CSMD1: variants seen among roughly 807,000 people sequenced by gnomAD.
CSMD1 encodes CUB and sushi domain-containing protein 1.
In CSMD1, 213 loss-of-function variants were observed where a neutral mutation model predicts 417.5. The ratio of observed to expected loss-of-function variants is 0.51; its 90% CI spans 0.46 to 0.57. CSMD1 has a LOEUF of 0.57. CSMD1 is among the 20% of genes least tolerant of loss of function. The probability of loss-of-function intolerance (pLI) is 0.00; values close to 1 mark genes in which losing one functional copy is unlikely to be tolerated. For missense variants in CSMD1, 6,923 were observed against 4,529.7 expected, an observed-to-expected ratio of 1.53 and a Z score of -15.17; for synonymous variants, 2,862 against 1,736.8, an observed-to-expected ratio of 1.65 and a Z score of -16.11.
chr8:3,389,020 A>T (rs911982668), intron 17 of CSMD1, among the ~76,000 whole-genome samples: 2 of 152,230 alleles, frequency 1.3e-5, no homozygotes, highest in Non-Finnish European at 2.9e-5. Context: ...CCAAATGAAC[A>T]CATGGTACCC....
intron 2 of CSMD1, among the ~76,000 whole-genome samples, chr8:4,529,086 G>C (rs1258256336): frequency 1.3e-5 from 2 of 152,142 alleles, no homozygotes; most frequent in South Asian, 2.1e-4. Context: ...AGAGGATAAA[G>C]AACTCTCTCT....
intron 1 of CSMD1, among the ~76,000 whole-genome samples, chr8:4,935,195 C>T (rs1437993670): frequency 1.3e-5 from 2 of 152,224 alleles, no homozygotes; most frequent in African/African-American, 4.8e-5. Context: ...TGTTTCACAG[C>T]TCTGCCTTCC....
intron 7 of CSMD1, among the ~76,000 whole-genome samples, chr8:3,632,974 A>C (rs919574321): frequency 2.6e-5 from 4 of 152,244 alleles, no homozygotes; most frequent in Non-Finnish European, 5.9e-5. Context: ...TAACACTTTG[A>C]AAAGTGGGTG....
intron 52 of CSMD1, among the ~76,000 whole-genome samples, chr8:3,002,997 C>A (rs1165105738): frequency 6.6e-6 from 1 of 152,184 alleles, no homozygotes; most frequent in Non-Finnish European, 1.5e-5. Context: ...TAATACAGAA[C>A]AATTATTTCT....
At chr8:3,304,486 C>T (rs1028457982) in intron 25 of CSMD1, among the ~76,000 whole-genome samples, 2 of 151,994 alleles carry the variant, frequency 1.3e-5, no homozygotes, top group African/African-American at 4.8e-5. Flanking sequence ...AAGAGTGGTT[C>T]AATCATCAAA....
chr8:3,898,355 T>C lies in CSMD1; in HGVS notation c.818+99548A>G, dbSNP rs1038036740. Among the ~76,000 whole-genome samples, 11 of 111,360 alleles carry C rather than the reference T, an allele frequency of 9.9e-5. No homozygotes were observed. In the East Asian group the frequency reaches 2.7e-3, roughly 27 times the overall value. The allele number at this position is 111,360 out of a possible 152,430, so 73.1% of individuals were successfully genotyped here. Reference sequence around the variant, plus strand: ...TGAGCTATGTGTGTAGTAAACTCTCTGTTATATGGCATGATCTGTTATGGG... The same window carrying C: ...TGAGCTATGTGTGTAGTAAACTCTCCGTTATATGGCATGATCTGTTATGGG... On this transcript the variant is annotated intron_variant, in intron 5 of 69. Coordinates refer to ENST00000635120, the MANE Select transcript of CSMD1 (RefSeq NM_033225.6).
intron 2 of CSMD1, among the ~76,000 whole-genome samples, chr8:4,583,598 G>A (rs1799555961): frequency 6.6e-6 from 1 of 151,590 alleles, no homozygotes; most frequent in East Asian, 2.0e-4. Flanking sequence ...GTGCACCAAT[G>A]GACACTGTAT....
chr8:4,052,986 T>G (rs1798510353), intron 3 of CSMD1, among the ~76,000 whole-genome samples: 1 of 152,130 alleles, frequency 6.6e-6, no homozygotes, highest in South Asian at 2.1e-4. Flanking sequence ...GCCCCCTTAC[T>G]CTCAGCTAAA....
chr8:4,075,779 T>A (rs1799789736), intron 3 of CSMD1, among the ~76,000 whole-genome samples: 1 of 152,164 alleles, frequency 6.6e-6, no homozygotes, highest in Non-Finnish European at 1.5e-5. Context: ...TAGCCAGGTT[T>A]CTCAAGAGGT....
At chr8:4,272,907 G>C (rs1042442883) in intron 3 of CSMD1, among the ~76,000 whole-genome samples, 2 of 152,062 alleles carry the variant, frequency 1.3e-5, no homozygotes, top group Admixed American at 6.6e-5. Context: ...GCTTCTCATA[G>C]AAATCAAATA....
chr8:4,902,924 T>G lies in CSMD1; in HGVS notation c.85+91408A>C, dbSNP rs193000731. On this transcript the variant is annotated intron_variant, in intron 1 of 69. Coordinates refer to ENST00000635120, the MANE Select transcript of CSMD1 (RefSeq NM_033225.6). ...TACACAAGCAATATGCAACCTAAAC[T>G]TATTTAGCACATTTCATTTTATATA... 4.2e-3 allele frequency among the ~76,000 whole-genome samples: 632 copies of G among 150,940 alleles called. 3 individuals are homozygous for G. The highest frequency in any genetic ancestry group is 6.0e-3 in the Non-Finnish European group (407 of 67,772).
intron 1 of CSMD1, among the ~76,000 whole-genome samples, chr8:4,701,291 G>A (rs541787891): frequency 6.8e-6 from 1 of 147,792 alleles, no homozygotes; most frequent in Non-Finnish European, 1.5e-5. Flanking sequence ...TTCGAAGGCT[G>A]CTTTTGAGCC....
chr8:3,090,769 G>T (rs1002366501), intron 48 of CSMD1, among the ~76,000 whole-genome samples: 16 of 152,176 alleles, frequency 1.1e-4, no homozygotes, highest in Admixed American at 3.9e-4. Context: ...GAAAAGTTTA[G>T]ATTTTCTGCT....
intron 54 of CSMD1, among the ~76,000 whole-genome samples, chr8:2,980,504 A>C (rs772851706): frequency 6.7e-6 from 1 of 150,016 alleles, no homozygotes; most frequent in Non-Finnish European, 1.5e-5. Flanking sequence ...CCTCCTCCTT[A>C]TCATTTTCAT....
At chr8:4,964,045 C>G (rs118058754) in intron 1 of CSMD1, among the ~76,000 whole-genome samples, 1 of 152,186 alleles carries the variant, frequency 6.6e-6, no homozygotes, top group Non-Finnish European at 1.5e-5. Context: ...ATCTTGATAG[C>G]TGGGTGAATC....
At chr8:4,208,831 G>A (rs1030057923) in intron 3 of CSMD1, among the ~76,000 whole-genome samples, 2 of 152,174 alleles carry the variant, frequency 1.3e-5, no homozygotes, top group Non-Finnish European at 2.9e-5. Context: ...TTTAATATCT[G>A]GTTGGAAAAT....
At chr8:3,919,199 AAAAAAAAAAAAG>A (rs1809047081) in intron 5 of CSMD1, among the ~76,000 whole-genome samples, 1 of 151,326 alleles carries the variant, frequency 6.6e-6, no homozygotes, top group Non-Finnish European at 1.5e-5. Flanking sequence ...AAAAAAAAAA[AAAAAAAAAAAAG>A]AAAGAAATCA....
intron 57 of CSMD1, 77 bp from the exon 58 acceptor site, chr8:2,966,823 G>A: frequency 2.2e-6 from 3 of 1,346,226 alleles, no homozygotes; most frequent in Non-Finnish European, 3.1e-6. Flanking sequence ...AGACCAATGG[G>A]TATCAGTGCA....
At chr8:4,251,394 T>C (rs1228898147) in intron 3 of CSMD1, among the ~76,000 whole-genome samples, 1 of 152,210 alleles carries the variant, frequency 6.6e-6, no homozygotes, top group African/African-American at 2.4e-5. Context: ...GATGTCCTCC[T>C]ATAAAGTTCT....
Sources: allele counts gnomAD v4.1 joint callset (sites outside exome capture counted in the v4.1 genomes callset), GRCh38; gene constraint gnomAD v4.1.1; transcripts MANE v1.5; gene names NCBI Gene and HGNC (gene_info 2026-07-23, HGNC 2026-07-21).